The following OGDH variants were observed in gnomAD, a reference collection of about 807,000 sequenced individuals.
OGDH encodes the protein oxoglutarate dehydrogenase, also known as 2-oxoglutarate dehydrogenase complex component E1.
A neutral mutation model predicts 116.6 loss-of-function variants in OGDH; 38 were observed. The observed-to-expected ratio is 0.33, with a 90% confidence interval of 0.25 to 0.43. The LOEUF is 0.43. Ranked by LOEUF, OGDH falls within the 20% of genes least tolerant of loss-of-function variation. The probability of loss-of-function intolerance (pLI) is 1.00; values close to 1 mark genes in which losing one functional copy is unlikely to be tolerated. For synonymous variants in OGDH, 488 were observed against 533.3 expected (o/e 0.92, Z 1.17); for missense variants, 825 against 1,357.2 (o/e 0.61, Z 6.16).
intron 4 of OGDH, among the ~76,000 whole-genome samples, chr7:44,655,534 G>A (rs1003996612): frequency 2.0e-5 from 3 of 152,210 alleles, no homozygotes; most frequent in African/African-American, 7.2e-5. Flanking sequence ...ACAGCACTCT[G>A]AGTGCTCAAC....
chr7:44,662,683 G>A (rs1047617081), intron 4 of OGDH, among the ~76,000 whole-genome samples: 11 of 151,888 alleles, frequency 7.2e-5, no homozygotes, highest in South Asian at 2.1e-4. Context: ...GGCCGGTCTC[G>A]AACTCCTGAC....
chr7:44,620,777 C>A (rs1585227503), intron 1 of OGDH, among the ~76,000 whole-genome samples: 1 of 151,466 alleles, frequency 6.6e-6, no homozygotes, highest in Non-Finnish European at 1.5e-5. Context: ...TAAAGCTCAT[C>A]AGCTGTCGTT....
chr7:44,698,296 T>C, intron 18 of OGDH, 33 bp downstream of exon 18: 1 of 1,607,314 alleles, frequency 6.2e-7, no homozygotes. Context: ...GCCCAGCCAT[T>C]CTCGGGGTGT....
intron 20 of OGDH, among the ~76,000 whole-genome samples, chr7:44,705,254 G>A (rs951749845): frequency 6.1e-5 from 9 of 147,656 alleles, no homozygotes; most frequent in African/African-American, 1.8e-4. Context: ...GGGTTTCACC[G>A]TTTTAGCCGG....
chr7:44,694,491 A>G lies in OGDH; in HGVS notation c.1583A>G (p.Lys528Arg), dbSNP rs754529875. 6.2e-7 allele frequency: 1 copy of G among 1,613,944 alleles called. No homozygotes were observed. The highest frequency in any genetic ancestry group is 2.2e-5 in the East Asian group (1 of 44,850). ...EPMFTQPLMY[K>R]QIRKQKPVLQ... ...ATGTTCACGCAGCCGCTCATGTACA[A>G]GCAGATCCGCAAGCAGAAGCCTGTG... The change falls in exon 12 of 23, where the codon AAG (lysine) becomes AGG (arginine). Residue 528 changes from lysine to arginine, a missense_variant. Lys to Arg is a conservative substitution (Grantham distance 26). Coordinates refer to ENST00000222673, the MANE Select transcript of OGDH (RefSeq NM_002541.4). This position sits in a 1 kb window ranked among gnomAD's most constrained non-coding sequence, Gnocchi z 4.2.
intron 2 of OGDH, among the ~76,000 whole-genome samples, chr7:44,635,707 A>C (rs1042510720): frequency 1.4e-5 from 2 of 143,100 alleles, no homozygotes; most frequent in African/African-American, 5.1e-5. Flanking sequence ...GGACTTTATA[A>C]TTTTTTTTTT....
chr7:44,703,954 G>A (rs1396220483), intron 20 of OGDH, among the ~76,000 whole-genome samples: 1 of 151,900 alleles, frequency 6.6e-6, no homozygotes, highest in East Asian at 1.9e-4. Context: ...CCATTCATCT[G>A]TCGATGGACA....
At chr7:44,703,260 A>G in intron 20 of OGDH, among the ~76,000 whole-genome samples, 1 of 152,094 alleles carries the variant, frequency 6.6e-6, no homozygotes, top group East Asian at 1.9e-4. Context: ...TATTAAAAAT[A>G]CAAAAATTAG....
At chr7:44,638,581 G>A (rs963745072) in intron 2 of OGDH, among the ~76,000 whole-genome samples, 3 of 152,174 alleles carry the variant, frequency 2.0e-5, no homozygotes, top group African/African-American at 4.8e-5. Flanking sequence ...GCAATTCCGG[G>A]ACATCCAGGC....
intron 7 of OGDH, 82 bp from the exon 8 acceptor site, chr7:44,675,096 G>A (rs1585340669): frequency 1.2e-6 from 1 of 821,490 alleles, no homozygotes; most frequent in Non-Finnish European, 1.7e-6. Flanking sequence ...GGGAGGGGGA[G>A]GGGGGGATTG....
chr7:44,694,580 C>T lies in OGDH; in HGVS notation c.1668+4C>T, dbSNP rs765638540. Reference sequence around the variant, plus strand: ...GGTCAACCAGCCTGAGTATGAGGTACGTCCCTGCGGCTCTATCCCAGTGCG... The same window carrying T: ...GGTCAACCAGCCTGAGTATGAGGTATGTCCCTGCGGCTCTATCCCAGTGCG... On this transcript the variant is annotated splice_donor_region_variant and intron_variant, in intron 12 of 22. Transcript: ENST00000222673. The surrounding 1 kb of genome is among the most constrained non-coding windows in gnomAD (Gnocchi z 4.2). 1.2e-5 allele frequency: 20 copies of T among 1,613,776 alleles called. No individual in the cohort carries two copies. Among genetic ancestry groups the T allele is most frequent in the African/African-American group, 2.7e-5 (2 of 74,906 alleles).
At chr7:44,627,977 C>T (rs1052773299) in intron 2 of OGDH, among the ~76,000 whole-genome samples, 1 of 152,076 alleles carries the variant, frequency 6.6e-6, no homozygotes, top group East Asian at 1.9e-4. Context: ...GCACCCAGCC[C>T]CATTGTTATT....
intron 9 of OGDH, among the ~76,000 whole-genome samples, chr7:44,681,389 G>A (rs1280253402): frequency 6.6e-6 from 1 of 152,184 alleles, no homozygotes; most frequent in South Asian, 2.1e-4. Flanking sequence ...CCCATGTGGG[G>A]TCTGGGGCCA....
In OGDH at chr7:44,686,727, C is replaced by T. The variant is rs1485780258; in HGVS notation, c.1335+4879C>T. ...TTTTTGAGACGGAGTCTTGCTCTGT[C>T]GCCCAGGCCGGAGTGCAATGGCATG... On this transcript the variant is annotated intron_variant, in intron 10 of 22. Coordinates refer to ENST00000222673, the MANE Select transcript of OGDH (RefSeq NM_002541.4). Among the ~76,000 whole-genome samples, 15 of 134,974 alleles carry T rather than the reference C, an allele frequency of 1.1e-4. No individual in the cohort carries two copies. The Admixed American group carries it at 1.2e-3, about 11-fold the overall frequency. 88.5% of individuals were successfully genotyped at this position (134,974 alleles called of 152,430 possible). A position where few individuals can be genotyped will look rare whatever the true frequency, so the allele number is the denominator to read the frequency against.
intron 1 of OGDH, among the ~76,000 whole-genome samples, chr7:44,607,899 A>G (rs1784415467): frequency 6.6e-6 from 1 of 151,914 alleles, no homozygotes; most frequent in Non-Finnish European, 1.5e-5. Context: ...ACGGGTTTTC[A>G]CCACCTTGGC....
At position 44,654,798 on chromosome 7, in the gene OGDH, G is replaced by A. The variant is rs550632104; in HGVS notation, c.517+7039G>A. Among the ~76,000 whole-genome samples the A allele has an allele frequency of 1.2e-4, 19 of 152,242 alleles. No homozygotes were observed. In the South Asian group the frequency reaches 2.5e-3, roughly 20 times the overall value. Reference sequence around the variant, plus strand: ...TAAACCGAGTCCCCTAGTTCCCAGCGTCACATTCCTGCTTCTGTGCTTCAC... The same window carrying A: ...TAAACCGAGTCCCCTAGTTCCCAGCATCACATTCCTGCTTCTGTGCTTCAC... On this transcript the variant is annotated intron_variant, in intron 4 of 22. Coordinates refer to ENST00000222673, the MANE Select transcript of OGDH (RefSeq NM_002541.4).
At chr7:44,618,702 C>T (rs576640655) in intron 1 of OGDH, among the ~76,000 whole-genome samples, 1 of 152,288 alleles carries the variant, frequency 6.6e-6, no homozygotes, top group Admixed American at 6.5e-5. Context: ...ACTCCTTTCA[C>T]CTGCTGCTTT....
chr7:44,669,938 A>G (rs1787361884), intron 5 of OGDH, among the ~76,000 whole-genome samples: 1 of 152,196 alleles, frequency 6.6e-6, no homozygotes, highest in African/African-American at 2.4e-5. Flanking sequence ...ATCTTAAGCT[A>G]TTGATCACGT....
intron 4 of OGDH, among the ~76,000 whole-genome samples, chr7:44,661,528 T>C (rs921563667): frequency 6.6e-6 from 1 of 152,194 alleles, no homozygotes; most frequent in Non-Finnish European, 1.5e-5. Context: ...ATTGCTTTGC[T>C]TTCATTTTCC....
Sources: gnomAD v4.1 joint callset for allele counts (sites outside exome capture counted in the v4.1 genomes callset) on GRCh38, gnomAD v4.1.1 for gene constraint, Gnocchi (gnomAD v3.1) non-coding constraint, MANE v1.5 for transcripts, NCBI Gene and HGNC (gene_info 2026-07-23, HGNC 2026-07-21) for gene names.